Variants in TAFA1 observed in about 807,000 individuals in gnomAD.
TAFA1 encodes chemokine-like protein TAFA-1.
Under a neutral mutation model 18.5 loss-of-function variants are expected in TAFA1, and 4 were observed. The observed-to-expected ratio is 0.22, with a 90% CI of 0.11 to 0.49. The LOEUF (loss-of-function observed/expected upper bound fraction) is 0.49. Among genes scored for constraint, TAFA1 ranks in the 20% least tolerant of loss-of-function variants. The pLI is 0.98. For missense variants in TAFA1, 147 were observed against 169.0 expected (o/e 0.87, Z 0.72); for synonymous variants, 56 against 55.2 (o/e 1.01, Z -0.06).
chr3:68,508,038 G>A (rs967014018), intron 3 of TAFA1, among the ~76,000 whole-genome samples: 3 of 152,112 alleles, frequency 2.0e-5, no homozygotes, highest in African/African-American at 7.2e-5. Flanking sequence ...CAGTTCTGGA[G>A]GTTAGAAGTC....
At chr3:68,194,693 C>CT (rs996168515) in intron 2 of TAFA1, among the ~76,000 whole-genome samples, 1 of 151,602 alleles carries the variant, frequency 6.6e-6, no homozygotes, top group Non-Finnish European at 1.5e-5. Flanking sequence ...GTTTGTGGTA[C>CT]TTTGTTATGG....
intron 2 of TAFA1, among the ~76,000 whole-genome samples, chr3:68,136,641 G>A (rs1434534310): frequency 6.6e-6 from 1 of 152,148 alleles, no homozygotes; most frequent in Non-Finnish European, 1.5e-5. Flanking sequence ...GGAAGGAAGT[G>A]GAATATGTGT....
intron 2 of TAFA1, among the ~76,000 whole-genome samples, chr3:68,148,067 T>A (rs1286140144): frequency 6.6e-6 from 1 of 152,216 alleles, no homozygotes; most frequent in Non-Finnish European, 1.5e-5. Context: ...GCTCAGAGTC[T>A]CAGTGCTAAT....
intron 2 of TAFA1, among the ~76,000 whole-genome samples, chr3:68,162,877 GA>G (rs1451229852): frequency 6.6e-6 from 1 of 152,152 alleles, no homozygotes; most frequent in African/African-American, 2.4e-5. Context: ...AAAATTTTTA[GA>G]TAAATTGGTT....
chr3:68,381,596 C>G (rs1426740517), intron 2 of TAFA1, among the ~76,000 whole-genome samples: 1 of 152,120 alleles, frequency 6.6e-6, no homozygotes, highest in African/African-American at 2.4e-5. Context: ...TATAAGAATG[C>G]TTGTGATTTT....
chr3:68,278,618 G>A (rs1024531851), intron 2 of TAFA1, among the ~76,000 whole-genome samples: 2 of 152,058 alleles, frequency 1.3e-5, no homozygotes, highest in Non-Finnish European at 2.9e-5. Context: ...CTGCGCCTGG[G>A]TAGATAGTAT....
chr3:68,068,018 C>A (rs1045807165), intron 2 of TAFA1, among the ~76,000 whole-genome samples: 5 of 152,128 alleles, frequency 3.3e-5, no homozygotes, highest in Admixed American at 2.0e-4. Flanking sequence ...TTGTTGCTTC[C>A]TTTGACATTC....
intron 2 of TAFA1, among the ~76,000 whole-genome samples, chr3:68,163,841 C>T (rs775547156): frequency 4.6e-5 from 7 of 152,122 alleles, no homozygotes; most frequent in African/African-American, 1.7e-4. Context: ...GTAAGTAGAC[C>T]GTGTAACCAG....
At chr3:68,047,416 C>A (rs1358892771) in intron 2 of TAFA1, among the ~76,000 whole-genome samples, 5 of 152,136 alleles carry the variant, frequency 3.3e-5, no homozygotes, top group Non-Finnish European at 7.4e-5. Flanking sequence ...TAGCAGCCAA[C>A]TGAATTTTCA....
At chr3:68,291,708 G>T (rs2068112780) in intron 2 of TAFA1, among the ~76,000 whole-genome samples, 1 of 151,906 alleles carries the variant, frequency 6.6e-6, no homozygotes, top group African/African-American at 2.4e-5. Context: ...AAAAAATCTG[G>T]ATCATGTTAA....
chr3:68,181,856 C>T (rs901679112), intron 2 of TAFA1, among the ~76,000 whole-genome samples: 2 of 152,108 alleles, frequency 1.3e-5, no homozygotes, highest in Non-Finnish European at 2.9e-5. Context: ...CAGAGCAGAG[C>T]TAAAACATTG....
chr3:68,186,254 A>G (rs2066270767), intron 2 of TAFA1, among the ~76,000 whole-genome samples: 1 of 152,070 alleles, frequency 6.6e-6, no homozygotes, highest in South Asian at 2.1e-4. Flanking sequence ...TTTTGTTGCC[A>G]GGGCAATTAC....
At chr3:68,259,937 C>G (rs915144868) in intron 2 of TAFA1, among the ~76,000 whole-genome samples, 8 of 151,690 alleles carry the variant, frequency 5.3e-5, no homozygotes, top group Admixed American at 1.3e-4. Context: ...ATTTCCTTCT[C>G]CTGCCTAATT....
At chr3:68,319,893 ATAAT>A (rs2068671036) in intron 2 of TAFA1, among the ~76,000 whole-genome samples, 2 of 152,322 alleles carry the variant, frequency 1.3e-5, no homozygotes, top group South Asian at 2.1e-4. Flanking sequence ...TATCATAGAA[ATAAT>A]TAGTTATTTT....
rs1575671528 is a variant in TAFA1, at chr3:68,192,990, A to G, written c.118+186246A>G. Reference sequence around the variant, plus strand: ...ACAAAGCAAAGTTGAGGTTGTCTCTATTTGAGCCCAATGGTGGGCATGGAC... The same window carrying G: ...ACAAAGCAAAGTTGAGGTTGTCTCTGTTTGAGCCCAATGGTGGGCATGGAC... On this transcript the variant is annotated intron_variant, in intron 2 of 4. Transcript: ENST00000478136. Among the ~76,000 whole-genome samples, 6 of 151,880 alleles carry G rather than the reference A, an allele frequency of 4.0e-5. No homozygotes were observed. The South Asian group carries it at 1.0e-3, about 26-fold the overall frequency.
intron 2 of TAFA1, among the ~76,000 whole-genome samples, chr3:68,166,558 G>A (rs1040778354): frequency 1.3e-5 from 2 of 152,118 alleles, no homozygotes; most frequent in Admixed American, 6.5e-5. Context: ...CAGTGGATAA[G>A]AAGACTGCAG....
At chr3:68,484,127 A>G (rs1390551777) in intron 3 of TAFA1, among the ~76,000 whole-genome samples, 1 of 152,250 alleles carries the variant, frequency 6.6e-6, no homozygotes, top group Non-Finnish European at 1.5e-5. Context: ...TTGTCATTTC[A>G]ACATGTAATC....
intron 2 of TAFA1, among the ~76,000 whole-genome samples, chr3:68,116,090 A>G (rs147749058): frequency 0.014 from 2,056 of 152,202 alleles, 52 homozygotes; most frequent in African/African-American, 0.047. Flanking sequence ...CCCCGTCTCT[A>G]CTAAAAATAC....
the TAFA1 span, among the ~76,000 whole-genome samples, chr3:67,997,275 G>A: frequency 1.2e-4 from 19 of 152,208 alleles, 1 homozygote; most frequent in East Asian, 3.7e-3. Context: ...GAAATTTATG[G>A]TATACCAGAT....
Sources: allele counts gnomAD v4.1 joint callset (sites outside exome capture counted in the v4.1 genomes callset), GRCh38; gene constraint gnomAD v4.1.1; transcripts MANE v1.5; gene names NCBI Gene and HGNC (gene_info 2026-07-23, HGNC 2026-07-21).